The following ARHGAP22 variants were observed in gnomAD, a reference collection of about 807,000 sequenced individuals.
ARHGAP22 encodes the protein rho GTPase-activating protein 22.
Under a neutral mutation model 59.1 loss-of-function variants are expected in ARHGAP22, and 48 were observed. The observed-to-expected ratio is 0.81, with a 90% CI of 0.64 to 1.03. The LOEUF (loss-of-function observed/expected upper bound fraction) is 1.03. ARHGAP22 is among the 50% of genes least tolerant of loss of function. The pLI is 0.00. For missense variants in ARHGAP22, 1,015 were observed against 958.7 expected (o/e 1.06, Z -0.78); for synonymous variants, 445 against 416.4 (o/e 1.07, Z -0.84).
intron 3 of ARHGAP22, among the ~76,000 whole-genome samples, chr10:48,500,902 A>T (rs989340926): frequency 6.6e-6 from 1 of 152,056 alleles, no homozygotes; most frequent in African/African-American, 2.4e-5. Flanking sequence ...AAAAAAAAAA[A>T]AAAAAGATTT....
chr10:48,638,779 A>G (rs2061927597), intron 1 of ARHGAP22, among the ~76,000 whole-genome samples: 1 of 152,228 alleles, frequency 6.6e-6, no homozygotes, highest in Admixed American at 6.5e-5. Context: ...GTGGTGCTTA[A>G]TGAACAAAGG....
At chr10:48,512,312 A>G (rs2052860096) in intron 3 of ARHGAP22, among the ~76,000 whole-genome samples, 1 of 152,250 alleles carries the variant, frequency 6.6e-6, no homozygotes, top group Non-Finnish European at 1.5e-5. Context: ...GGTGCCAGAT[A>G]GCCTATGGGA....
At position 48,469,039 on chromosome 10, in the gene ARHGAP22, C is replaced by T. The variant is rs117768705; in HGVS notation, c.452-9148G>A. 2.2e-4 allele frequency among the ~76,000 whole-genome samples: 33 copies of T among 152,354 alleles called. No homozygotes were observed. The East Asian group carries it at 6.2e-3, about 29-fold the overall frequency. On this transcript the variant is annotated intron_variant, in intron 4 of 9. Transcript: ENST00000249601. ...GCCAAGGGCTCAGCAGAAGCTCTCA[C>T]CAACCAGGGGCCGGCAGGCTTCTCT...
chr10:48,451,031 G>T lies in ARHGAP22; in HGVS notation c.1098C>A (p.Cys366Ter). The part of the protein sequence containing the change: ...GPTSPRGGLQ[C>*]AVGWGSEEVT... ...CCTCCTCGGAGCCCCACCCCACTGC[G>T]CATTGCAGGCCCCCGCGCGGGGAGG... Residue 366 changes from cysteine to a stop codon, truncating the protein, a stop_gained, in exon 9 of 10, where the codon TGC (cysteine) becomes TGA (stop). Coordinates refer to ENST00000249601, the MANE Select transcript of ARHGAP22 (RefSeq NM_021226.4). LOFTEE classifies it high-confidence loss of function. 1 of 1,553,752 alleles carries T rather than the reference G, an allele frequency of 6.4e-7. No homozygotes were observed.
chr10:48,550,466 G>T (rs1213762084), intron 3 of ARHGAP22, among the ~76,000 whole-genome samples: 1 of 152,174 alleles, frequency 6.6e-6, no homozygotes, highest in Non-Finnish European at 1.5e-5. Context: ...CTCTTGCTCC[G>T]AGGTGTAGCC....
chr10:48,550,079 C>T (rs2135249571), intron 3 of ARHGAP22, among the ~76,000 whole-genome samples: 1 of 152,318 alleles, frequency 6.6e-6, no homozygotes, highest in Admixed American at 6.5e-5. Flanking sequence ...AGACCCCGTG[C>T]CCACTGTGCT....
chr10:48,626,086 C>T (rs149603453), intron 1 of ARHGAP22, among the ~76,000 whole-genome samples: 94 of 152,302 alleles, frequency 6.2e-4, no homozygotes, highest in South Asian at 5.8e-3. Context: ...GTGGTCCCAT[C>T]AACCCCATTT....
At chr10:48,448,286 T>C (rs1250833198) in intron 9 of ARHGAP22, among the ~76,000 whole-genome samples, 1 of 152,174 alleles carries the variant, frequency 6.6e-6, no homozygotes, top group Non-Finnish European at 1.5e-5. Context: ...TCCAACCTTC[T>C]ACCCTGAGGC....
rs879703696 is a variant in ARHGAP22 at position 48,450,589 on chromosome 10, C to T, written c.1540G>A (p.Gly514Arg). The T allele has an allele frequency of 6.5e-6, 10 of 1,543,290 alleles. No individual in the cohort carries two copies. The highest frequency in any genetic ancestry group is 4.1e-5 in the African/African-American group (3 of 72,988). Reference protein sequence around the residue: ...IPSVASMAWSGASSSESSVGG... With the variant: ...IPSVASMAWSRASSSESSVGG... ...ACCGACGACTCGCTGGACGAGGCCC[C>T]GGACCACGCCATACTGGCCACGCTG... Residue 514 changes from glycine to arginine, a missense_variant, in exon 9 of 10, where the codon GGG becomes AGG. Coordinates refer to ENST00000249601, the MANE Select transcript of ARHGAP22 (RefSeq NM_021226.4).
At chr10:48,436,819 AC>A in the ARHGAP22 span, 1 of 152,218 alleles carries the variant, frequency 6.6e-6, no homozygotes, top group Non-Finnish European at 1.5e-5. Flanking sequence ...TTCTAATACA[AC>A]AAGGTGCATT....
intron 9 of ARHGAP22, among the ~76,000 whole-genome samples, chr10:48,448,350 T>C (rs1423452945): frequency 1.3e-5 from 2 of 152,190 alleles, no homozygotes; most frequent in Non-Finnish European, 2.9e-5. Context: ...ATCTCCCTTT[T>C]AACACACCGT....
At position 48,636,323 on chromosome 10, in the gene ARHGAP22, G is replaced by A. The variant is rs926791845; in HGVS notation, c.52+15911C>T. Among the ~76,000 whole-genome samples the A allele has an allele frequency of 4.6e-5, 7 of 152,214 alleles. No individual in the cohort carries two copies. The South Asian group carries it at 8.3e-4, about 18-fold the overall frequency. On this transcript the variant is annotated intron_variant, in intron 1 of 9. Coordinates refer to the ARHGAP22 transcript ENST00000435790. ...TCCAGCCCAGCCCTGCATCCATGCT[G>A]TCTGTGTGCCTGTGTCCCATGCTTG...
downstream of ARHGAP22, among the ~76,000 whole-genome samples, chr10:48,441,973 G>C: frequency 6.6e-6 from 1 of 152,198 alleles, no homozygotes; most frequent in East Asian, 1.9e-4. Flanking sequence ...CTGTCCTACT[G>C]GAGATAATGC....
intron 3 of ARHGAP22, among the ~76,000 whole-genome samples, chr10:48,495,146 T>C (rs1194491375): frequency 2.0e-5 from 3 of 152,218 alleles, no homozygotes; most frequent in African/African-American, 7.2e-5. Context: ...ATGACTGTTC[T>C]TCCTGGTGTC....
chr10:48,463,540 A>G (rs1460733437), intron 4 of ARHGAP22, among the ~76,000 whole-genome samples: 2 of 151,972 alleles, frequency 1.3e-5, no homozygotes, highest in African/African-American at 4.8e-5. Context: ...AGCTCTGCCC[A>G]CTGCTTGAGT....
chr10:48,620,898 C>T lies in ARHGAP22; in HGVS notation c.52+31336G>A, dbSNP rs570672181. 3.3e-5 allele frequency among the ~76,000 whole-genome samples: 5 copies of T among 152,366 alleles called. No homozygotes were observed. The South Asian group carries it at 1.0e-3, about 32-fold the overall frequency. On this transcript the variant is annotated intron_variant, in intron 1 of 9. Coordinates refer to the ARHGAP22 transcript ENST00000435790. ...GGGACTTGAAGCCCAGGCTCCAAGG[C>T]CTTGCTGCTTCACCTTCCTCAGAGG...
chr10:48,591,976 TG>T (rs2059786000), intron 1 of ARHGAP22, among the ~76,000 whole-genome samples: 1 of 152,226 alleles, frequency 6.6e-6, no homozygotes, highest in Non-Finnish European at 1.5e-5. Flanking sequence ...TACAAATGCA[TG>T]GGTAGTCACA....
intron 3 of ARHGAP22, 60 bp downstream of exon 3, chr10:48,555,403 G>A (rs1363444365): frequency 6.5e-6 from 10 of 1,532,458 alleles, no homozygotes; most frequent in Non-Finnish European, 9.0e-6. Context: ...GCCCTTCCCA[G>A]GCCAGGGGCA....
chr10:48,623,811 A>AG (rs747500003), intron 1 of ARHGAP22, among the ~76,000 whole-genome samples: 5 of 152,204 alleles, frequency 3.3e-5, no homozygotes, highest in Non-Finnish European at 7.3e-5. Flanking sequence ...CAATTGGCAC[A>AG]GGGGGTCACT....
Sources: allele counts gnomAD v4.1 joint callset (sites outside exome capture counted in the v4.1 genomes callset), GRCh38; gene constraint gnomAD v4.1.1; transcripts MANE v1.5; gene names NCBI Gene and HGNC (gene_info 2026-07-23, HGNC 2026-07-21).